Variants in WDR72 observed in about 807,000 individuals in gnomAD.
WDR72 encodes WD repeat domain 72.
Under a neutral mutation model 124.2 loss-of-function variants are expected in WDR72, and 120 were observed. That is an observed-to-expected ratio of 0.97 (90% confidence interval 0.83 to 1.12). The LOEUF (loss-of-function observed/expected upper bound fraction) is 1.12. Ranked by LOEUF, WDR72 falls within the 50% of genes most tolerant of loss-of-function variation. The probability of loss-of-function intolerance (pLI) is 0.00; values close to 1 mark genes in which losing one functional copy is unlikely to be tolerated. For synonymous variants in WDR72, 452 were observed against 441.7 expected (o/e 1.02, Z -0.29); for missense variants, 1,387 against 1,278.8 (o/e 1.08, Z -1.29).
chr15:53,556,810 A>C (rs1260611385), intron 18 of WDR72, among the ~76,000 whole-genome samples: 2 of 152,128 alleles, frequency 1.3e-5, no homozygotes, highest in Non-Finnish European at 2.9e-5. Context: ...GTCTTTACAG[A>C]AATGTAAATT....
chr15:53,708,922 G>A (rs74018746), intron 9 of WDR72, among the ~76,000 whole-genome samples: 2,150 of 152,238 alleles, frequency 0.014, 60 homozygotes, highest in African/African-American at 0.05. Flanking sequence ...GCTGCTGGAA[G>A]GAAAGACGAA....
chr15:53,602,241 G>A (rs987513866), intron 17 of WDR72, among the ~76,000 whole-genome samples: 1 of 151,908 alleles, frequency 6.6e-6, no homozygotes, highest in Non-Finnish European at 1.5e-5. Context: ...AATGACTTTT[G>A]GGTAAATGAC....
rs187908765 is a variant in WDR72 at position 53,715,062 on chromosome 15, C to T, written c.514+131G>A. ...TTTTCTTGATCAGGTGTATTACAGA[C>T]ATATCCTCATTAACAGGTAAGCATA... On this transcript the variant is annotated intron_variant, in intron 5 of 19. Coordinates refer to ENST00000360509, the MANE Select transcript of WDR72 (RefSeq NM_182758.4). 2.6e-5 allele frequency: 26 copies of T among 1,006,152 alleles called. No individual in the cohort carries two copies. The African/African-American group carries it at 3.9e-4, about 15-fold the overall frequency. 62.3% of individuals were successfully genotyped at this position (1,006,152 alleles called of 1,614,324 possible).
Position 53,517,547 on chromosome 15 carries a change from C to G in WDR72, c.*152G>C. 4 of 750,958 alleles carry G rather than the reference C, an allele frequency of 5.3e-6. No homozygotes were observed. Among genetic ancestry groups the G allele is most frequent in the Non-Finnish European group, 7.1e-6 (3 of 424,656 alleles). The allele number at this position is 750,958 out of a possible 1,614,324, so 46.5% of individuals were successfully genotyped here. A position where few individuals can be genotyped will look rare whatever the true frequency, so the allele number is the denominator to read the frequency against. ...CATTGTAATCAGCATGTATTAAAAT[C>G]ACTTTAATACATGTTGGCTAAAGTA... On this transcript the variant is annotated 3_prime_UTR_variant, in exon 20 of 20. Transcript: ENST00000360509.
rs1379799385 is a variant in WDR72 at position 53,609,466 on chromosome 15, A to C, written c.2952+47T>G. 2.0e-6 allele frequency: 3 copies of C among 1,523,306 alleles called. No homozygotes were observed. In the East Asian group the frequency reaches 6.8e-5, roughly 34 times the overall value. 94.4% of individuals were successfully genotyped at this position (1,523,306 alleles called of 1,614,324 possible). A position where few individuals can be genotyped will look rare whatever the true frequency, so the allele number is the denominator to read the frequency against. On this transcript the variant is annotated intron_variant, in intron 17 of 19. Coordinates refer to ENST00000360509, the MANE Select transcript of WDR72 (RefSeq NM_182758.4). ...GAGGGGGGTATCCATGAACCACAGC[A>C]GCAAGGAACTCTTCTAATAACGTCA...
intron 14 of WDR72, among the ~76,000 whole-genome samples, chr15:53,630,860 G>T (rs185415176): frequency 2.2e-4 from 34 of 152,164 alleles, no homozygotes; most frequent in Non-Finnish European, 3.7e-4. Flanking sequence ...CCTGGACGGG[G>T]TGATTAAGAA....
chr15:53,607,214 C>G (rs1370065467), intron 17 of WDR72, among the ~76,000 whole-genome samples: 1 of 151,892 alleles, frequency 6.6e-6, no homozygotes, highest in East Asian at 1.9e-4. Context: ...ATTGAAGAAC[C>G]AGTCCTCTAA....
chr15:53,530,950 C>T (rs781521778), intron 18 of WDR72, among the ~76,000 whole-genome samples: 1 of 152,060 alleles, frequency 6.6e-6, no homozygotes, highest in Non-Finnish European at 1.5e-5. Flanking sequence ...CAGGCAGTCT[C>T]AAATTCCCAG....
intron 6 of WDR72, among the ~76,000 whole-genome samples, chr15:53,713,182 T>A (rs1447973118): frequency 4.2e-5 from 5 of 117,772 alleles, no homozygotes; most frequent in African/African-American, 9.8e-5. Context: ...AAATATAGGA[T>A]GTATTTCTTG....
rs34039658 is a variant in WDR72, at chr15:53,552,128, ATGTGTG to A, written c.3149-28812_3149-28807del. 6.3e-3 allele frequency among the ~76,000 whole-genome samples: 944 copies of A among 149,844 alleles called. 7 individuals carry two copies. The highest frequency in any genetic ancestry group is 9.5e-3 in the Non-Finnish European group (643 of 67,424). On this transcript the variant is annotated intron_variant, in intron 18 of 19. Transcript: ENST00000360509. The stretch of plus-strand genomic sequence containing the variant: ...TCAACTGAATTATTCTATACCTATC[ATGTGTG>A]TGTGTGTGTGTGTGTGTGTTTATGT...
At chr15:53,650,337 A>C (rs1259289018) in intron 14 of WDR72, among the ~76,000 whole-genome samples, 1 of 152,216 alleles carries the variant, frequency 6.6e-6, no homozygotes, top group Non-Finnish European at 1.5e-5. Context: ...TAAGCTATAG[A>C]GATCTGCTGT....
At chr15:53,683,349 C>T (rs948199935) in intron 13 of WDR72, among the ~76,000 whole-genome samples, 12 of 152,152 alleles carry the variant, frequency 7.9e-5, no homozygotes, top group Admixed American at 3.9e-4. Flanking sequence ...TCTGATTGTT[C>T]CCAACACATA....
intron 13 of WDR72, among the ~76,000 whole-genome samples, chr15:53,694,846 A>T (rs187459372): frequency 6.6e-6 from 1 of 152,368 alleles, no homozygotes; most frequent in Admixed American, 6.5e-5. Context: ...TATGAAATCA[A>T]TGTATTTAAA....
rs761460537 is a variant in WDR72, at chr15:53,702,305, T to C, written c.1398A>G (p.Ser466=). ...VLKGHHQSVT[S]LLYPHGLSSK... ...AAGAGAGACCATGTGGATAGAGTAA[T>C]GAAGTGACACTTTGGTGGTGGCCTT... The change falls in exon 12 of 20, where the codon TCA becomes TCG. Residue 466 remains serine (S), a synonymous_variant. Transcript: ENST00000360509. 8.1e-6 allele frequency: 13 copies of C among 1,613,894 alleles called. No homozygotes were observed. The highest frequency in any genetic ancestry group is 1.7e-5 in the Admixed American group (1 of 59,998).
chr15:53,552,449 T>C (rs1284043045), intron 18 of WDR72, among the ~76,000 whole-genome samples: 3 of 152,268 alleles, frequency 2.0e-5, no homozygotes, highest in Middle Eastern at 6.8e-3. Context: ...AAAATCATTC[T>C]TTAGGAACAA....
chr15:53,731,062 A>C (rs566582345), intron 2 of WDR72, among the ~76,000 whole-genome samples: 30 of 152,282 alleles, frequency 2.0e-4, no homozygotes, highest in African/African-American at 6.7e-4. Context: ...ATTCATACGA[A>C]TCAATAACTT....
At chr15:53,738,575 C>CT (rs140598161) in intron 1 of WDR72, among the ~76,000 whole-genome samples, 15 of 151,126 alleles carry the variant, frequency 9.9e-5, no homozygotes, top group Middle Eastern at 3.4e-3. Context: ...GATCACAAGC[C>CT]TTTTTTTTGT....
intron 18 of WDR72, among the ~76,000 whole-genome samples, chr15:53,593,094 G>A (rs1595780562): frequency 1.3e-5 from 2 of 152,080 alleles, no homozygotes; most frequent in Non-Finnish European, 2.9e-5. Context: ...TCACTTTATT[G>A]GATTTCCATT....
In WDR72 at chr15:53,710,930, GGGTATATGCTTTT is replaced by G. The variant is rs2017516560; in HGVS notation, c.868_880del (p.Lys290LeufsTer36). ...CTCTTTAAGCACTCTTCCATCAGCA[GGGTATATGCTTTT>G]TGAAAGCCCACTGCGTGGCAAAAAT... On this transcript the variant is annotated frameshift_variant, in exon 9 of 20. Transcript: ENST00000360509. LOFTEE classifies it high-confidence loss of function. 6.2e-7 allele frequency: 1 copy of G among 1,613,576 alleles called. No individual in the cohort carries two copies. The highest frequency in any genetic ancestry group is 1.1e-5 in the South Asian group (1 of 91,084).
Sources: gnomAD v4.1 joint callset for allele counts (sites outside exome capture counted in the v4.1 genomes callset) on GRCh38, gnomAD v4.1.1 for gene constraint, MANE v1.5 for transcripts, NCBI Gene and HGNC (gene_info 2026-07-23, HGNC 2026-07-21) for gene names.